C8orf34: variants seen among roughly 807,000 people sequenced by gnomAD.
The protein encoded by C8orf34 is chromosome 8 open reading frame 34.
Under a neutral mutation model 68.3 loss-of-function variants are expected in C8orf34, and 65 were observed. The ratio of observed to expected loss-of-function variants is 0.95; its 90% CI spans 0.78 to 1.17. The LOEUF (loss-of-function observed/expected upper bound fraction) is 1.17, where lower values mean the gene tolerates loss of function less well. Among genes scored for constraint, C8orf34 ranks in the 50% most tolerant of loss-of-function variants. The pLI is 0.00. For missense variants in C8orf34, 664 were observed against 655.4 expected (o/e 1.01, Z -0.14); for synonymous variants, 244 against 241.2 (o/e 1.01, Z -0.11).
chr8:68,787,327 G>T, intron 11 of C8orf34, 116 bp from the exon 12 acceptor site: 1 of 596,292 alleles, frequency 1.7e-6, no homozygotes, highest in Non-Finnish European at 2.8e-6. Flanking sequence ...TTTTAATGAG[G>T]AAATTATTCT....
intron 6 of C8orf34, among the ~76,000 whole-genome samples, chr8:68,528,819 A>G (rs1384962310): frequency 6.6e-6 from 1 of 152,130 alleles, no homozygotes; most frequent in African/African-American, 2.4e-5. Flanking sequence ...TCTGTTTCCC[A>G]TTTCAAAGAG....
chr8:68,426,518 C>CAAAAAAAAAAAAAAAAAAAAAAAAAAAA (rs753578060), intron 1 of C8orf34, among the ~76,000 whole-genome samples: 1 of 29,610 alleles, frequency 3.4e-5, no homozygotes. Context: ...GACCTTGTCT[C>CAAAAAAAAAAAAAAAAAAAAAAAAAAAA]AAAAAAAAAA....
chr8:68,421,362 T>G (rs933789607), intron 1 of C8orf34, among the ~76,000 whole-genome samples: 1 of 152,180 alleles, frequency 6.6e-6, no homozygotes, highest in Non-Finnish European at 1.5e-5. Context: ...CAAAGAGGCT[T>G]ACAACCTGGA....
chr8:68,734,909 C>A (rs572631849), intron 10 of C8orf34, among the ~76,000 whole-genome samples: 3 of 152,148 alleles, frequency 2.0e-5, no homozygotes, highest in Non-Finnish European at 2.9e-5. Flanking sequence ...TTGTGAATGG[C>A]CCACAGCTCT....
At chr8:68,710,936 C>G (rs887616794) in intron 9 of C8orf34, among the ~76,000 whole-genome samples, 2 of 152,176 alleles carry the variant, frequency 1.3e-5, no homozygotes, top group African/African-American at 4.8e-5. Flanking sequence ...CTACCTCCCC[C>G]GGGGAAGGTG....
At chr8:68,646,303 A>AT (rs1396352169) in intron 8 of C8orf34, among the ~76,000 whole-genome samples, 1 of 151,850 alleles carries the variant, frequency 6.6e-6, no homozygotes, top group Non-Finnish European at 1.5e-5. Flanking sequence ...ATACAATTTA[A>AT]TTTTTAAAAT....
intron 10 of C8orf34, among the ~76,000 whole-genome samples, chr8:68,735,067 CTTAGTT>C (rs1211239414): frequency 6.6e-6 from 1 of 152,142 alleles, no homozygotes; most frequent in Non-Finnish European, 1.5e-5. Flanking sequence ...GATGGAAAAA[CTTAGTT>C]TTAGAGAAGG....
chr8:68,374,730 G>T (rs1266807395), intron 1 of C8orf34, among the ~76,000 whole-genome samples: 1 of 151,952 alleles, frequency 6.6e-6, no homozygotes, highest in Non-Finnish European at 1.5e-5. Flanking sequence ...TAAATAATTG[G>T]CCCAAGGTTG....
At chr8:68,499,451 A>G (rs1341520114) in intron 5 of C8orf34, among the ~76,000 whole-genome samples, 1 of 152,200 alleles carries the variant, frequency 6.6e-6, no homozygotes, top group Non-Finnish European at 1.5e-5. Context: ...AAATACAATA[A>G]TAATCCGTAT....
At chr8:68,430,198 T>G (rs1208328413) in intron 1 of C8orf34, among the ~76,000 whole-genome samples, 2 of 152,088 alleles carry the variant, frequency 1.3e-5, no homozygotes, top group African/African-American at 4.8e-5. Flanking sequence ...AAAAAAAACC[T>G]AAATGATGGG....
At chr8:68,471,241 A>G (rs908438002) in intron 4 of C8orf34, among the ~76,000 whole-genome samples, 2 of 152,098 alleles carry the variant, frequency 1.3e-5, no homozygotes, top group Non-Finnish European at 2.9e-5. Flanking sequence ...GTGAGTTAAG[A>G]GGATGGTTGG....
chr8:68,586,409 G>C (rs1817211424), intron 7 of C8orf34, among the ~76,000 whole-genome samples: 1 of 152,130 alleles, frequency 6.6e-6, no homozygotes, highest in African/African-American at 2.4e-5. Flanking sequence ...TTCATTATTA[G>C]TATTATCTTT....
At chr8:68,434,165 T>A (rs1586133070) in intron 1 of C8orf34, among the ~76,000 whole-genome samples, 1 of 152,198 alleles carries the variant, frequency 6.6e-6, no homozygotes, top group African/African-American at 2.4e-5. Flanking sequence ...CTGGGGTACA[T>A]GTACAGAACG....
At chr8:68,400,479 T>G (rs1808901176) in intron 1 of C8orf34, among the ~76,000 whole-genome samples, 1 of 152,290 alleles carries the variant, frequency 6.6e-6, no homozygotes, top group Admixed American at 6.5e-5. Flanking sequence ...CTTCTCAGCT[T>G]TGTCAAAAAT....
At chr8:68,509,509 GA>G (rs1446564149) in intron 5 of C8orf34, among the ~76,000 whole-genome samples, 10 of 149,466 alleles carry the variant, frequency 6.7e-5, no homozygotes, top group African/African-American at 2.5e-4. Context: ...TAAGACTTGG[GA>G]AATTAACTTC....
In C8orf34 at chr8:68,361,155, T is replaced by C. The variant is rs191045147; in HGVS notation, c.327+29816T>C. Among the ~76,000 whole-genome samples, 6 of 152,246 alleles carry C rather than the reference T, an allele frequency of 3.9e-5. No individual in the cohort carries two copies. In the East Asian group the frequency reaches 1.2e-3, roughly 29 times the overall value. On this transcript the variant is annotated intron_variant, in intron 1 of 13. Transcript: ENST00000518698. ...GTTAATTGTGGAGTGCCCATGAGAATAGCACCTTGAAAGGAGTGAGGGAAG... is the reference window on the plus strand; with the variant it reads ...GTTAATTGTGGAGTGCCCATGAGAACAGCACCTTGAAAGGAGTGAGGGAAG...
chr8:68,589,607 AAG>A (rs1194744909), intron 7 of C8orf34, among the ~76,000 whole-genome samples: 1 of 103,594 alleles, frequency 9.7e-6, no homozygotes, highest in African/African-American at 4.0e-5. Flanking sequence ...GAAGGAAAGA[AAG>A]AAGGAGAGAA....
At chr8:68,798,814 A>T (rs12549123) in intron 12 of C8orf34, among the ~76,000 whole-genome samples, 13,639 of 152,254 alleles carry the variant, frequency 0.09, 935 homozygotes, top group East Asian at 0.36. Context: ...GAAAGGTCCA[A>T]TTGATTCCTA....
chr8:68,551,403 C>T (rs1482998589), intron 7 of C8orf34, among the ~76,000 whole-genome samples: 1 of 151,940 alleles, frequency 6.6e-6, no homozygotes, highest in African/African-American at 2.4e-5. Flanking sequence ...CATTGCTCAT[C>T]TTTTCTTTCA....
Sources: gnomAD v4.1 joint callset for allele counts (sites outside exome capture counted in the v4.1 genomes callset) on GRCh38, gnomAD v4.1.1 for gene constraint, MANE v1.5 for transcripts, NCBI Gene and HGNC (gene_info 2026-07-23, HGNC 2026-07-21) for gene names.